The following SNX27 variants were observed in gnomAD, a reference collection of about 807,000 sequenced individuals.
SNX27 encodes the protein sorting nexin-27.
SNX27 carries 22 observed loss-of-function variants against 71.6 expected under a neutral mutation model. The ratio of observed to expected loss-of-function variants is 0.31; its 90% confidence interval spans 0.22 to 0.44. SNX27 has a LOEUF of 0.44. Among genes scored for constraint, SNX27 ranks in the 20% least tolerant of loss-of-function variants. The probability of loss-of-function intolerance (pLI) is 1.00; values close to 1 mark genes in which losing one functional copy is unlikely to be tolerated. For missense variants in SNX27, 531 were observed against 698.6 expected (o/e 0.76, Z 2.70); for synonymous variants, 269 against 277.2 (o/e 0.97, Z 0.29).
At chr1:151,683,565 G>T (rs1257855550) in intron 8 of SNX27, 120 bp downstream of exon 8, 2 of 638,958 alleles carry the variant, frequency 3.1e-6, no homozygotes, top group African/African-American at 3.8e-5. Context: ...TTTAAAAAAG[G>T]AGGGGAATAG....
rs149520650 is a variant in SNX27 at position 151,655,686 on chromosome 1, C to A, written c.544-2549C>A. Among the ~76,000 whole-genome samples, 545 of 152,258 alleles carry A rather than the reference C, an allele frequency of 3.6e-3. 14 individuals carry two copies. Among genetic ancestry groups the A allele is most frequent in the Admixed American group, 0.033 (506 of 15,292 alleles). ...TTCTTAGCTGCCTGTTGTCCAGTGT[C>A]TGAAAATAGTTGTTGCCTACATTGT... On this transcript the variant is annotated intron_variant, in intron 2 of 11. Transcript: ENST00000458013.
At chr1:151,680,921 T>A (rs7543623) in intron 7 of SNX27, among the ~76,000 whole-genome samples, 1 of 152,308 alleles carries the variant, frequency 6.6e-6, no homozygotes, top group East Asian at 1.9e-4. Flanking sequence ...GAACATCCCC[T>A]CTGTGGCTAT....
At chr1:151,666,176 T>C (rs1353215156) in intron 6 of SNX27, 165 bp downstream of exon 6, 1 of 428,908 alleles carries the variant, frequency 2.3e-6, no homozygotes, top group Non-Finnish European at 4.1e-6. Context: ...GCATGTCTGA[T>C]CACTGTTGAT....
In SNX27 at chr1:151,612,262, G is replaced by A; in HGVS notation, c.61G>A (p.Gly21Ser). 1.4e-6 allele frequency: 2 copies of A among 1,448,786 alleles called. No homozygotes were observed. The highest frequency in any genetic ancestry group is 2.9e-5 in the East Asian group (1 of 34,112). The allele number at this position is 1,448,786 out of a possible 1,614,324, so 89.7% of individuals were successfully genotyped here. Residue 21 changes from glycine (G) to serine (S), a missense_variant, in exon 1 of 12, where the codon GGC becomes AGC. Transcript: ENST00000458013. This position sits in a 1 kb window ranked among gnomAD's most constrained non-coding sequence, Gnocchi z 5.2. ...AGCCCCTCACAGGAACGGAGGTGGC[G>A]GCGGCGGCGGGGGGTCTGGGCTCCA... ...PSAPHRNGGG[G>S]GGGGSGLHCA...
At chr1:151,616,374 G>A (rs907524323) in intron 1 of SNX27, among the ~76,000 whole-genome samples, 2 of 152,300 alleles carry the variant, frequency 1.3e-5, no homozygotes, top group East Asian at 3.9e-4. Context: ...ATTAGTTTAA[G>A]CATGGACCAC....
At chr1:151,683,762 G>C (rs1030739592) in intron 8 of SNX27, among the ~76,000 whole-genome samples, 2 of 152,188 alleles carry the variant, frequency 1.3e-5, no homozygotes, top group Admixed American at 6.5e-5. Context: ...TGCCTCCTGG[G>C]TTCAAGCGAT....
rs555621189 is a variant in SNX27, at chr1:151,633,684, A to G, written c.312-5204A>G. Among the ~76,000 whole-genome samples the G allele has an allele frequency of 5.3e-4, 81 of 152,352 alleles. 1 individual carries two copies. In the South Asian group the frequency reaches 0.015, roughly 29 times the overall value. ...CTACCACTAAAGAATAGTTTTGTCT[A>G]TTCCAGAACTTCAAATAAATGGAGT... On this transcript the variant is annotated intron_variant, in intron 1 of 11. Coordinates refer to ENST00000458013, the MANE Select transcript of SNX27 (RefSeq NM_001330723.2).
At chr1:151,684,428 G>A (rs1168010419) in intron 8 of SNX27, among the ~76,000 whole-genome samples, 1 of 152,176 alleles carries the variant, frequency 6.6e-6, no homozygotes, top group Admixed American at 6.5e-5. Context: ...GAACAGGGCT[G>A]CCTAGAGTAT....
chr1:151,665,934 C>A lies in SNX27; in HGVS notation c.908C>A (p.Ala303Asp), dbSNP rs751034029. 1 of 1,598,334 alleles carries A rather than the reference C, an allele frequency of 6.3e-7. No individual in the cohort carries two copies. The highest frequency in any genetic ancestry group is 2.3e-5 in the East Asian group (1 of 44,258). Residue 303 changes from alanine to aspartate, a missense_variant and splice_region_variant, in exon 6 of 12, where the codon GCT becomes GAT. Transcript: ENST00000458013. ...CCAATCTATCCTGTTTAACCTTAGG[C>A]TATCGCAGCAAAGGTTGGCATGGAC... Reference protein sequence around the residue: ...KNSTTDQVYQAIAAKVGMDST... With the variant: ...KNSTTDQVYQDIAAKVGMDST...
rs185220584 is a variant in SNX27 at position 151,664,715 on chromosome 1, A to G, written c.907-1218A>G. Reference sequence around the variant, plus strand: ...TTATTCATTCACTGTATTTTATGGCAAATGATATATGCAGGATCTCAGGCA... The same window carrying G: ...TTATTCATTCACTGTATTTTATGGCGAATGATATATGCAGGATCTCAGGCA... On this transcript the variant is annotated intron_variant, in intron 5 of 11. Transcript: ENST00000458013. 6.8e-4 allele frequency among the ~76,000 whole-genome samples: 103 copies of G among 152,306 alleles called. 1 individual carries two copies. The highest frequency in any genetic ancestry group is 2.4e-3 in the African/African-American group (99 of 41,564).
chr1:151,642,607 T>A (rs1668829159), intron 2 of SNX27, among the ~76,000 whole-genome samples: 1 of 151,990 alleles, frequency 6.6e-6, no homozygotes, highest in Admixed American at 6.6e-5. Flanking sequence ...TTCAGCTATC[T>A]TTTTTTGTAA....
At chr1:151,689,637 G>A (rs2495395) in intron 8 of SNX27, among the ~76,000 whole-genome samples, 17,071 of 152,216 alleles carry the variant, frequency 0.11, 2,313 homozygotes, top group East Asian at 0.35. Context: ...ATGTAATCCT[G>A]TTTTGTTAAA....
intron 11 of SNX27, chr1:151,693,781 G>A: frequency 6.8e-7 from 1 of 1,475,596 alleles, no homozygotes; most frequent in Non-Finnish European, 8.9e-7. Context: ...TTTTAAATCA[G>A]ATCACCCTCC....
rs1462207261 is a variant in SNX27 at position 151,696,505 on chromosome 1, CG to C, written c.*2089del. 3.7e-5 allele frequency: 4 copies of C among 107,426 alleles called. No homozygotes were observed. The highest frequency in any genetic ancestry group is 1.2e-4 in the African/African-American group (3 of 25,280). The allele number at this position is 107,426 out of a possible 1,614,324, so 6.7% of individuals were successfully genotyped here. On this transcript the variant is annotated 3_prime_UTR_variant, in exon 12 of 12. Coordinates refer to ENST00000458013, the MANE Select transcript of SNX27 (RefSeq NM_001330723.2). ...TCTTTCTTTCTTTCTTTCTTTCTTT[CG>C]TTCTTTCGTTCTTTCGTTCTTTCTT...
intron 1 of SNX27, among the ~76,000 whole-genome samples, chr1:151,635,104 A>G (rs1194334155): frequency 1.3e-5 from 2 of 152,222 alleles, no homozygotes; most frequent in Non-Finnish European, 2.9e-5. Context: ...GACAGAATTG[A>G]AAGGCAAGGG....
chr1:151,612,292 G>C lies in SNX27; in HGVS notation c.91G>C (p.Ala31Pro). The C allele has an allele frequency of 6.6e-7, 1 of 1,511,296 alleles. No homozygotes were observed. Among genetic ancestry groups the C allele is most frequent in the Non-Finnish European group, 8.8e-7 (1 of 1,132,408 alleles). 93.6% of individuals were successfully genotyped at this position (1,511,296 alleles called of 1,614,324 possible). Residue 31 changes from alanine (A) to proline (P), a missense_variant, in exon 1 of 12, where the codon GCC becomes CCC. Physicochemically the swap from Ala to Pro is conservative, Grantham distance 27. Coordinates refer to ENST00000458013, the MANE Select transcript of SNX27 (RefSeq NM_001330723.2). This position sits in a 1 kb window ranked among gnomAD's most constrained non-coding sequence, Gnocchi z 5.2. Reference protein sequence around the residue: ...GGGGGSGLHCAGNGGGGGGGP... With the variant: ...GGGGGSGLHCPGNGGGGGGGP... ...CGGCGGGGGGTCTGGGCTCCACTGC[G>C]CCGGGAACGGCGGCGGGGGAGGCGG...
chr1:151,625,552 T>A (rs1667887313), intron 1 of SNX27, among the ~76,000 whole-genome samples: 2 of 150,214 alleles, frequency 1.3e-5, no homozygotes, highest in Admixed American at 6.7e-5. Flanking sequence ...AAAGGTTGAA[T>A]CTGGCCAGGT....
At chr1:151,678,485 T>A (rs1200125477) in intron 7 of SNX27, 1 of 152,218 alleles carries the variant, frequency 6.6e-6, no homozygotes, top group Non-Finnish European at 1.5e-5. Context: ...ATATCCCACA[T>A]TTAATTTATC....
chr1:151,667,848 AAAAGAT>A, intron 6 of SNX27, among the ~76,000 whole-genome samples: 1 of 151,222 alleles, frequency 6.6e-6, no homozygotes, highest in East Asian at 1.9e-4. Flanking sequence ...AAAAAAAAAA[AAAAGAT>A]GTTTAGTGGA....
Sources: allele counts gnomAD v4.1 joint callset (sites outside exome capture counted in the v4.1 genomes callset), GRCh38; gene constraint gnomAD v4.1.1; non-coding constraint Gnocchi (gnomAD v3.1); transcripts MANE v1.5; gene names NCBI Gene and HGNC (gene_info 2026-07-23, HGNC 2026-07-21).